Variants in MMS22L observed in about 807,000 individuals in gnomAD.
MMS22L encodes the protein protein MMS22-like.
A neutral mutation model predicts 159.1 loss-of-function variants in MMS22L; 74 were observed. That is an observed-to-expected ratio of 0.47 (90% confidence interval 0.39 to 0.56). The LOEUF is 0.56. Ranked by LOEUF, MMS22L falls within the 20% of genes least tolerant of loss-of-function variation. The probability of loss-of-function intolerance (pLI) is 0.00; values close to 1 mark genes in which losing one functional copy is unlikely to be tolerated. For synonymous variants in MMS22L, 517 were observed against 506.9 expected (o/e 1.02, Z -0.27); for missense variants, 1,351 against 1,422.1 (o/e 0.95, Z 0.80).
chr6:97,190,047 C>T (rs949660623), intron 14 of MMS22L, among the ~76,000 whole-genome samples: 2 of 152,080 alleles, frequency 1.3e-5, no homozygotes, highest in Non-Finnish European at 2.9e-5. Flanking sequence ...TTTTTAAAAT[C>T]ACATGTTTGA....
chr6:97,172,415 A>C (rs1024606231), intron 19 of MMS22L, among the ~76,000 whole-genome samples: 27 of 152,070 alleles, frequency 1.8e-4, no homozygotes, highest in Non-Finnish European at 1.6e-4. Context: ...AAAACAAAAA[A>C]CTTAAATTCT....
At chr6:97,233,709 A>C (rs1487904699) in intron 12 of MMS22L, 152 bp downstream of exon 12, 8 of 666,930 alleles carry the variant, frequency 1.2e-5, no homozygotes, top group Non-Finnish European at 1.8e-5. Context: ...TGTTAAAGAT[A>C]AAACTATTCA....
At chr6:97,201,305 C>T (rs1294182784) in intron 14 of MMS22L, among the ~76,000 whole-genome samples, 2 of 152,198 alleles carry the variant, frequency 1.3e-5, no homozygotes, top group Non-Finnish European at 2.9e-5. Context: ...AGTTAAAGAG[C>T]TTGTTCCTAT....
At chr6:97,250,330 G>C (rs1813115518) in intron 10 of MMS22L, among the ~76,000 whole-genome samples, 1 of 152,158 alleles carries the variant, frequency 6.6e-6, no homozygotes, top group Non-Finnish European at 1.5e-5. Flanking sequence ...AGACTAGGTA[G>C]TCTGGTGCAA....
intron 8 of MMS22L, chr6:97,266,048 G>C (rs1185003988): frequency 6.6e-6 from 1 of 152,068 alleles, no homozygotes; most frequent in Non-Finnish European, 1.5e-5. Flanking sequence ...ACATACAAAT[G>C]GGCAAGCAGT....
In MMS22L at chr6:97,228,989, C is replaced by T; in HGVS notation, c.1944G>A (p.Leu648=). The change falls in exon 14 of 25, where the codon CTG becomes CTA. Residue 648 remains leucine (L), a synonymous_variant. Coordinates refer to ENST00000683635, the MANE Select transcript of MMS22L (RefSeq NM_001350599.2). ...GAAGCATACTAAATCCATCATTAAG[C>T]AGTTTTTCATGGGAAGGATACAAGC... ...SYCLYPSHEK[L]LNDGFSMLLR... The T allele has an allele frequency of 6.2e-7, 1 of 1,614,094 alleles. No homozygotes were observed. Among genetic ancestry groups the T allele is most frequent in the Non-Finnish European group, 8.5e-7 (1 of 1,179,992 alleles).
intron 14 of MMS22L, among the ~76,000 whole-genome samples, chr6:97,202,412 G>A (rs988246065): frequency 6.6e-6 from 1 of 152,150 alleles, no homozygotes; most frequent in Non-Finnish European, 1.5e-5. Flanking sequence ...GCAAAGCTGC[G>A]AAGATCGCTG....
At chr6:97,277,914 CAA>C (rs1816397434) in intron 4 of MMS22L, among the ~76,000 whole-genome samples, 1 of 152,130 alleles carries the variant, frequency 6.6e-6, no homozygotes, top group Admixed American at 6.5e-5. Context: ...TGCTAGGCAT[CAA>C]TAATGGTAGA....
chr6:97,187,335 T>A (rs1055144762), intron 14 of MMS22L, among the ~76,000 whole-genome samples: 3 of 152,186 alleles, frequency 2.0e-5, no homozygotes, highest in African/African-American at 7.2e-5. Flanking sequence ...GCTGATTAAT[T>A]CAATCGAAAA....
rs1810868026 is a variant in MMS22L at position 97,231,554 on chromosome 6, GCAA to G, written c.1398_1400del (p.Cys467del). On this transcript the variant is annotated inframe_deletion, in exon 13 of 25. Transcript: ENST00000683635. ...TATATAGTTCCTGATCTTGTTTATC[GCAA>G]CAGCAAGTCTTCACCATTTCAAGCA... The G allele has an allele frequency of 1.9e-6, 3 of 1,613,488 alleles. No individual in the cohort carries two copies. The South Asian group carries it at 3.3e-5, about 18-fold the overall frequency.
intron 18 of MMS22L, among the ~76,000 whole-genome samples, chr6:97,176,776 A>C (rs186975540): frequency 6.6e-6 from 1 of 152,232 alleles, no homozygotes; most frequent in African/African-American, 2.4e-5. Context: ...CTGGGAAAAG[A>C]ATCTTGGAAG....
chr6:97,276,375 A>C (rs1435119092), intron 4 of MMS22L, among the ~76,000 whole-genome samples: 1 of 152,240 alleles, frequency 6.6e-6, no homozygotes, highest in East Asian at 1.9e-4. Flanking sequence ...CAGGTTAATA[A>C]GTGTAATAAT....
At chr6:97,158,211 T>TTCTTC (rs559095115) in intron 22 of MMS22L, among the ~76,000 whole-genome samples, 85 of 152,292 alleles carry the variant, frequency 5.6e-4, no homozygotes, top group East Asian at 2.3e-3. Context: ...CTTCTCTCTT[T>TTCTTC]TCTTCTTAAT....
At chr6:97,238,187 G>A (rs1286268488) in intron 11 of MMS22L, among the ~76,000 whole-genome samples, 1 of 152,182 alleles carries the variant, frequency 6.6e-6, no homozygotes, top group African/African-American at 2.4e-5. Context: ...CACTACACAC[G>A]ACTGTCGTAA....
chr6:97,168,997 T>G (rs1303879604), intron 19 of MMS22L, among the ~76,000 whole-genome samples: 4 of 152,122 alleles, frequency 2.6e-5, no homozygotes, highest in Non-Finnish European at 5.9e-5. Context: ...GTAAGTGGCC[T>G]CAATCCAGTT....
intron 4 of MMS22L, among the ~76,000 whole-genome samples, chr6:97,275,592 G>T (rs1232772666): frequency 6.6e-6 from 1 of 152,142 alleles, no homozygotes; most frequent in African/African-American, 2.4e-5. Flanking sequence ...ATTCAAGATG[G>T]ATGAAAACAA....
intron 14 of MMS22L, among the ~76,000 whole-genome samples, chr6:97,206,528 T>C (rs1011423223): frequency 6.6e-6 from 1 of 152,162 alleles, no homozygotes; most frequent in African/African-American, 2.4e-5. Flanking sequence ...AAATTCTGTT[T>C]TATGTTCTTA....
intron 11 of MMS22L, among the ~76,000 whole-genome samples, chr6:97,243,864 G>A (rs753385401): frequency 2.2e-4 from 33 of 152,086 alleles, no homozygotes; most frequent in Non-Finnish European, 4.0e-4. Flanking sequence ...AGCTACTGGG[G>A]TCTGGGCTGG....
At chr6:97,174,732 G>A (rs9387143) in intron 18 of MMS22L, among the ~76,000 whole-genome samples, 28,141 of 152,142 alleles carry the variant, frequency 0.18, 3,017 homozygotes, top group East Asian at 0.52. Context: ...GGTGGATGAA[G>A]TAGGGGAGAA....
Sources: gnomAD v4.1 joint callset for allele counts (sites outside exome capture counted in the v4.1 genomes callset) on GRCh38, gnomAD v4.1.1 for gene constraint, MANE v1.5 for transcripts, NCBI Gene and HGNC (gene_info 2026-07-23, HGNC 2026-07-21) for gene names.